Variants in ENPP1 observed in about 807,000 individuals in gnomAD.
ENPP1 encodes ectonucleotide pyrophosphatase/phosphodiesterase family member 1.
ENPP1 carries 73 observed loss-of-function variants against 122.8 expected under a neutral mutation model. The ratio of observed to expected loss-of-function variants is 0.59; its 90% CI spans 0.49 to 0.72. The LOEUF (loss-of-function observed/expected upper bound fraction) is 0.72, where lower values mean the gene tolerates loss of function less well. Ranked by LOEUF, ENPP1 falls within the 30% of genes least tolerant of loss-of-function variation. The probability of loss-of-function intolerance (pLI) is 0.00; values close to 1 mark genes in which losing one functional copy is unlikely to be tolerated. For missense variants in ENPP1, 978 were observed against 1,128.1 expected (o/e 0.87, Z 1.91); for synonymous variants, 367 against 391.6 (o/e 0.94, Z 0.74).
At chr6:131,851,497 T>C in intron 4 of ENPP1, 1 of 523,968 alleles carries the variant, frequency 1.9e-6, no homozygotes, top group East Asian at 3.5e-5. Flanking sequence ...TATGATTATG[T>C]GCACACGGCC....
In ENPP1 at chr6:131,875,797, C is replaced by G. The variant is rs1782224572; in HGVS notation, c.1657C>G (p.Pro553Ala). ...CTAGGCCCTCTTTGTTGGCTATGGA[C>G]CTGGATTCAAGCATGGCATTGAGGC... ...NMQALFVGYG[P>A]GFKHGIEADT... is the part of the protein sequence containing the mutation. The change falls in exon 17 of 25, where the codon CCT becomes GCT. Residue 553 changes from proline (P) to alanine (A), a missense_variant. By Grantham distance (27) the Pro-to-Ala change is conservative. This residue lies in a region of ENPP1 where 644 missense variants were observed against 781.5 expected (regional missense o/e 0.82). Coordinates refer to ENST00000647893, the MANE Select transcript of ENPP1 (RefSeq NM_006208.3). 1 of 1,613,834 alleles carries G rather than the reference C, an allele frequency of 6.2e-7. No homozygotes were observed. Among genetic ancestry groups the G allele is most frequent in the Non-Finnish European group, 8.5e-7 (1 of 1,179,874 alleles).
chr6:131,831,542 C>T (rs970575240), intron 1 of ENPP1, among the ~76,000 whole-genome samples: 28 of 152,286 alleles, frequency 1.8e-4, no homozygotes, highest in Admixed American at 1.8e-3. Context: ...GGCGAAGCGT[C>T]TCAGACTTTC....
intron 4 of ENPP1, 58 bp downstream of exon 4, chr6:131,851,325 T>C (rs1781878885): frequency 1.2e-6 from 2 of 1,610,028 alleles, no homozygotes; most frequent in African/African-American, 1.3e-5. Context: ...TTAGCGGGGC[T>C]TTACATAGGT....
At chr6:131,849,439 G>T (rs1019007238) in intron 2 of ENPP1, among the ~76,000 whole-genome samples, 1 of 152,162 alleles carries the variant, frequency 6.6e-6, no homozygotes, top group African/African-American at 2.4e-5. Flanking sequence ...GGTGAAATGG[G>T]TGTTTCAGGT....
intron 1 of ENPP1, among the ~76,000 whole-genome samples, chr6:131,819,120 A>G (rs928626851): frequency 2.6e-5 from 4 of 152,224 alleles, no homozygotes; most frequent in African/African-American, 9.6e-5. Context: ...ACATGCGTTA[A>G]CATTTGGAAG....
intron 1 of ENPP1, among the ~76,000 whole-genome samples, chr6:131,814,581 A>G (rs1342462420): frequency 1.3e-5 from 2 of 152,200 alleles, no homozygotes; most frequent in East Asian, 1.9e-4. Flanking sequence ...TTATAATTCA[A>G]TTAGCTTCCT....
At chr6:131,823,530 G>A (rs1334461181) in intron 1 of ENPP1, among the ~76,000 whole-genome samples, 3 of 151,956 alleles carry the variant, frequency 2.0e-5, no homozygotes, top group African/African-American at 7.3e-5. Flanking sequence ...ATTCAGCTCA[G>A]CCTTGTACAG....
intron 1 of ENPP1, among the ~76,000 whole-genome samples, chr6:131,837,541 A>G (rs1207880347): frequency 6.8e-6 from 1 of 147,636 alleles, no homozygotes; most frequent in Non-Finnish European, 1.5e-5. Flanking sequence ...AAAAAAAAAA[A>G]AACCCAACCA....
chr6:131,879,894 C>G lies in ENPP1; in HGVS notation c.1960C>G (p.His654Asp). The change falls in exon 20 of 25, where the codon CAT becomes GAT. Residue 654 changes from histidine to aspartate, a missense_variant. Physicochemically the swap from His to Asp is moderately conservative, Grantham distance 81. Transcript: ENST00000647893. Reference protein sequence around the residue: ...LTVAEEKIIKHETLPYGRPRV... With the variant: ...LTVAEEKIIKDETLPYGRPRV... ...TGTGACCCAAGAGAAGATTATTAAG[C>G]ATGAAACTTTACCCTATGGAAGACC... 6.2e-7 allele frequency: 1 copy of G among 1,613,476 alleles called. No individual in the cohort carries two copies. Among genetic ancestry groups the G allele is most frequent in the Non-Finnish European group, 8.5e-7 (1 of 1,179,430 alleles).
chr6:131,826,518 C>G, intron 1 of ENPP1: 1 of 1,190,852 alleles, frequency 8.4e-7, no homozygotes, highest in South Asian at 1.2e-5. Flanking sequence ...AGCCAATGAT[C>G]TCTTCCACAG....
intron 1 of ENPP1, among the ~76,000 whole-genome samples, chr6:131,831,114 CAA>C (rs3036850): frequency 3.3e-5 from 2 of 59,992 alleles, no homozygotes; most frequent in Admixed American, 2.2e-4. Context: ...GCCCATCTCT[CAA>C]AAAAAAAAAA....
At position 131,850,139 on chromosome 6, in the gene ENPP1, G is replaced by A. The variant is rs1259084717; in HGVS notation, c.430+33G>A. 5 of 1,353,662 alleles carry A rather than the reference G, an allele frequency of 3.7e-6. No individual in the cohort carries two copies. In the Admixed American group the frequency reaches 8.4e-5, roughly 23 times the overall value. The allele number at this position is 1,353,662 out of a possible 1,614,324, so 83.9% of individuals were successfully genotyped here. On this transcript the variant is annotated intron_variant, in intron 3 of 24. Coordinates refer to ENST00000647893, the MANE Select transcript of ENPP1 (RefSeq NM_006208.3). Reference sequence around the variant, plus strand: ...TGAGCAGGGAAAAAAGTGGAGTTATGGTCATTAGGAAAAGATCAAGGAAAG... The same window carrying A: ...TGAGCAGGGAAAAAAGTGGAGTTATAGTCATTAGGAAAAGATCAAGGAAAG...
intron 1 of ENPP1, chr6:131,828,060 A>C (rs1781566768): frequency 1.5e-6 from 1 of 648,608 alleles, no homozygotes; most frequent in Non-Finnish European, 3.0e-6. Flanking sequence ...TAGGGGAAGA[A>C]CGTTGCAAAC....
rs28469250 is a variant in ENPP1 at position 131,825,016 on chromosome 6, C to T, written c.240+16741C>T. Among the ~76,000 whole-genome samples the T allele has an allele frequency of 3.4e-3, 513 of 151,884 alleles. 3 individuals are homozygous for T. Among genetic ancestry groups the T allele is most frequent in the African/African-American group, 0.012 (490 of 41,436 alleles). On this transcript the variant is annotated intron_variant, in intron 1 of 24. Coordinates refer to ENST00000647893, the MANE Select transcript of ENPP1 (RefSeq NM_006208.3). ...TGGAGGTTGCAGTGAGCTGAGATGG[C>T]GCCACTGCACTCCAGCCTGGGTGAC...
chr6:131,860,067 C>T lies in ENPP1; in HGVS notation c.796-320C>T, dbSNP rs564970108. Among the ~76,000 whole-genome samples the T allele has an allele frequency of 2.6e-3, 392 of 152,234 alleles. 1 individual carries two copies. Among genetic ancestry groups the T allele is most frequent in the Non-Finnish European group, 3.8e-3 (261 of 68,020 alleles). ...GTCTCCATCTCTTGACCTCGTGATC[C>T]GCCTGCCTCAGCCTCCCAAAGTGCT... On this transcript the variant is annotated intron_variant, in intron 7 of 24. Coordinates refer to ENST00000647893, the MANE Select transcript of ENPP1 (RefSeq NM_006208.3).
At chr6:131,808,334 C>T in intron 1 of ENPP1, 59 bp downstream of exon 1, 1 of 1,446,010 alleles carries the variant, frequency 6.9e-7, no homozygotes. Context: ...GAGGGCGGCG[C>T]CGAGCTCCTG....
chr6:131,853,042 T>C (rs1439563375), intron 5 of ENPP1, among the ~76,000 whole-genome samples: 1 of 152,160 alleles, frequency 6.6e-6, no homozygotes, highest in Non-Finnish European at 1.5e-5. Flanking sequence ...TACATTTGAA[T>C]TACTCATCTT....
intron 1 of ENPP1, among the ~76,000 whole-genome samples, chr6:131,823,488 A>T (rs1221414856): frequency 6.6e-6 from 1 of 152,166 alleles, no homozygotes; most frequent in East Asian, 1.9e-4. Flanking sequence ...TCTCTTCAGC[A>T]TTCCACACCT....
intron 6 of ENPP1, among the ~76,000 whole-genome samples, chr6:131,855,472 C>T (rs1781933769): frequency 6.6e-6 from 1 of 152,082 alleles, no homozygotes; most frequent in Admixed American, 6.6e-5. Context: ...ATTTCAAGCA[C>T]ATGACACCAT....
Sources: allele counts gnomAD v4.1 joint callset (sites outside exome capture counted in the v4.1 genomes callset), GRCh38; gene constraint gnomAD v4.1.1; regional missense constraint gnomAD v4.1.1; transcripts MANE v1.5; gene names NCBI Gene and HGNC (gene_info 2026-07-23, HGNC 2026-07-21).